The following DNAH5 variants were observed in gnomAD, a reference collection of about 807,000 sequenced individuals.
DNAH5 encodes the protein axonemal beta dynein heavy chain 5.
DNAH5 carries 372 observed loss-of-function variants against 518.2 expected under a neutral mutation model. The ratio of observed to expected loss-of-function variants is 0.72; its 90% CI spans 0.66 to 0.78. The LOEUF is 0.78. DNAH5 is among the 30% of genes least tolerant of loss of function. The pLI, the probability that DNAH5 is intolerant of heterozygous loss-of-function variation, is 0.00. For missense variants in DNAH5, 5,523 were observed against 5,687.0 expected (o/e 0.97, Z 0.93); for synonymous variants, 2,039 against 2,025.9 (o/e 1.01, Z -0.17).
At chr5:13,999,160 C>T (rs1430261180) in intron 1 of DNAH5, among the ~76,000 whole-genome samples, 2 of 152,348 alleles carry the variant, frequency 1.3e-5, no homozygotes, top group South Asian at 2.1e-4. Context: ...GCGTGAGCCA[C>T]GATGACCGGC....
intron 49 of DNAH5, 29 bp downstream of exon 49, chr5:13,793,486 C>T (rs369663807): frequency 3.6e-5 from 58 of 1,590,314 alleles, no homozygotes; most frequent in Non-Finnish European, 4.4e-5. Flanking sequence ...CTTCCTCACC[C>T]TCCCACCCCA....
At position 13,793,958 on chromosome 5, in the gene DNAH5, A is replaced by G. The variant is rs1757435669; in HGVS notation, c.7988T>C (p.Ile2663Thr). ...TACCTGATCTCCCCACTCATTGATT[A>G]TTGGCATATTCACATCATCAATAAA... is the stretch of plus-strand genomic sequence containing the variant. ...TVFIDDVNMPIINEWGDQVTN... is the reference protein window; with the variant it reads ...TVFIDDVNMPTINEWGDQVTN... Residue 2663 changes from isoleucine (I) to threonine (T), a missense_variant, in exon 48 of 79, where the codon ATA (isoleucine) becomes ACA (threonine). Ile to Thr is a moderately conservative substitution (Grantham distance 89). Transcript: ENST00000265104. 6.2e-7 allele frequency: 1 copy of G among 1,614,110 alleles called. No individual in the cohort carries two copies. The highest frequency in any genetic ancestry group is 8.5e-7 in the Non-Finnish European group (1 of 1,179,960).
chr5:13,949,581 A>T (rs1274127797), upstream of DNAH5, among the ~76,000 whole-genome samples: 1 of 152,218 alleles, frequency 6.6e-6, no homozygotes, highest in Non-Finnish European at 1.5e-5. Flanking sequence ...GCAAGAGAGG[A>T]GAAACTCCAG....
chr5:14,005,681 G>A (rs1784679247), intron 1 of DNAH5, among the ~76,000 whole-genome samples: 2 of 152,188 alleles, frequency 1.3e-5, no homozygotes, highest in Non-Finnish European at 2.9e-5. Context: ...AAAATATGGT[G>A]TTTTATTTTT....
chr5:13,885,091 G>GA lies in DNAH5; in HGVS notation c.2880dup (p.His961SerfsTer32). ...GCATCCATGTTCTGATGGTTGAAAT[G>GA]AGAGAGTAACTCGCGGGCTTCTTCC... On this transcript the variant is annotated frameshift_variant, in exon 19 of 79. Coordinates refer to ENST00000265104, the MANE Select transcript of DNAH5 (RefSeq NM_001369.3). LOFTEE classifies it high-confidence loss of function. 6.2e-7 allele frequency: 1 copy of GA among 1,614,250 alleles called. No individual in the cohort carries two copies. Among genetic ancestry groups the GA allele is most frequent in the African/African-American group, 1.3e-5 (1 of 75,070 alleles).
rs150435022 is a variant in DNAH5 at position 14,003,251 on chromosome 5, A to G, written c.12+8397T>C. Reference sequence around the variant, plus strand: ...TCAGAGTTACATATAAAATTCTTAAAAATGTTTCCACTTGATAATAAATAT... The same window carrying G: ...TCAGAGTTACATATAAAATTCTTAAGAATGTTTCCACTTGATAATAAATAT... On this transcript the variant is annotated intron_variant, in intron 1 of 78. Transcript: ENST00000681290. Among the ~76,000 whole-genome samples the G allele has an allele frequency of 4.8e-3, 735 of 152,344 alleles. 9 individuals carry two copies. The highest frequency in any genetic ancestry group is 0.016 in the African/African-American group (651 of 41,586).
intron 47 of DNAH5, 125 bp downstream of exon 47, chr5:13,807,466 C>T (rs184994973): frequency 2.7e-5 from 23 of 850,172 alleles, no homozygotes; most frequent in Non-Finnish European, 4.1e-5. Context: ...GGAAGACGTA[C>T]GTGGGTGATT....
chr5:13,972,730 G>A (rs115938793), intron 1 of DNAH5, among the ~76,000 whole-genome samples: 2,755 of 152,262 alleles, frequency 0.018, 78 homozygotes, highest in African/African-American at 0.061. Flanking sequence ...TTCAAAGGGT[G>A]TGTGGATTCT....
upstream of DNAH5, among the ~76,000 whole-genome samples, chr5:13,949,475 C>A (rs1780202063): frequency 6.6e-6 from 1 of 152,148 alleles, no homozygotes; most frequent in Admixed American, 6.5e-5. Context: ...TTGATTTTGT[C>A]ACCATTTTTA....
chr5:13,792,087 A>C lies in DNAH5; in HGVS notation c.8355T>G (p.Pro2785=), dbSNP rs1390128798. 1.2e-6 allele frequency: 2 copies of C among 1,613,934 alleles called. No individual in the cohort carries two copies. Among genetic ancestry groups the C allele is most frequent in the Non-Finnish European group, 1.7e-6 (2 of 1,179,996 alleles). The change falls in exon 50 of 79, where the codon CCT becomes CCG. Residue 2785 remains proline, a synonymous_variant. Coordinates refer to ENST00000265104, the MANE Select transcript of DNAH5 (RefSeq NM_001369.3). ...GGTTAAACACATAATGGAATTTTGC[A>C]GGGGTAGGAAGCATTTTAATCTTGG... The part of the protein sequence containing the change: ...QMTKIKMLPT[P]AKFHYVFNLR...
chr5:13,833,894 C>A (rs16902802), intron 35 of DNAH5, among the ~76,000 whole-genome samples: 2 of 152,206 alleles, frequency 1.3e-5, no homozygotes, highest in Non-Finnish European at 2.9e-5. Context: ...ATGTCTGCAA[C>A]TCTGTCCACA....
intron 1 of DNAH5, among the ~76,000 whole-genome samples, chr5:13,953,715 G>T (rs1365303232): frequency 6.6e-6 from 1 of 151,940 alleles, no homozygotes; most frequent in Non-Finnish European, 1.5e-5. Flanking sequence ...TTTTATTTTT[G>T]GTTTTGTTTT....
intron 75 of DNAH5, among the ~76,000 whole-genome samples, chr5:13,711,108 A>G (rs1462998363): frequency 6.6e-6 from 1 of 152,232 alleles, no homozygotes; most frequent in Non-Finnish European, 1.5e-5. Flanking sequence ...CATAGATGCT[A>G]AAATCCTTAA....
intron 2 of DNAH5, among the ~76,000 whole-genome samples, chr5:13,929,433 C>G (rs1293968690): frequency 2.0e-5 from 3 of 152,056 alleles, no homozygotes; most frequent in African/African-American, 7.3e-5. Context: ...TGTGAACGTA[C>G]TTAACACTAA....
intron 17 of DNAH5, among the ~76,000 whole-genome samples, chr5:13,890,586 C>A (rs1773087507): frequency 1.3e-5 from 2 of 152,110 alleles, no homozygotes; most frequent in South Asian, 2.1e-4. Flanking sequence ...GTTTGGGAAA[C>A]CCCCCCTCAA....
intron 47 of DNAH5, among the ~76,000 whole-genome samples, chr5:13,798,373 G>A (rs1758156881): frequency 6.6e-6 from 1 of 152,040 alleles, no homozygotes; most frequent in Admixed American, 6.6e-5. Flanking sequence ...CCAGAGTCTG[G>A]CACTGCAAAG....
chr5:13,957,028 T>C (rs780813931), intron 1 of DNAH5, among the ~76,000 whole-genome samples: 1 of 152,240 alleles, frequency 6.6e-6, no homozygotes. Context: ...CAGGTTTATC[T>C]AGCTTTTTTC....
chr5:13,709,198 G>A (rs866400377), intron 75 of DNAH5, among the ~76,000 whole-genome samples: 8 of 152,080 alleles, frequency 5.3e-5, no homozygotes, highest in African/African-American at 1.9e-4. Flanking sequence ...AGAAAACAGT[G>A]GGGTACAAAA....
chr5:13,857,384 C>T (rs1398709576), intron 30 of DNAH5, among the ~76,000 whole-genome samples: 2 of 152,212 alleles, frequency 1.3e-5, no homozygotes, highest in Non-Finnish European at 2.9e-5. Flanking sequence ...AATGGAAGAA[C>T]ATTCCATGCT....
Sources: gnomAD v4.1 joint callset for allele counts (sites outside exome capture counted in the v4.1 genomes callset) on GRCh38, gnomAD v4.1.1 for gene constraint, MANE v1.5 for transcripts, NCBI Gene and HGNC (gene_info 2026-07-23, HGNC 2026-07-21) for gene names.